NF1: variants seen among roughly 807,000 people sequenced by gnomAD.
NF1 encodes neurofibromin 1, also known as neurofibromin.
A neutral mutation model predicts 325.7 loss-of-function variants in NF1; 122 were observed. The observed-to-expected ratio is 0.37, with a 90% CI of 0.32 to 0.44. The LOEUF (loss-of-function observed/expected upper bound fraction) is 0.44. Among genes scored for constraint, NF1 ranks in the 20% least tolerant of loss-of-function variants. The probability of loss-of-function intolerance (pLI) is 1.00; values close to 1 mark genes in which losing one functional copy is unlikely to be tolerated. For missense variants in NF1, 2,140 were observed against 3,415.4 expected (o/e 0.63, Z 9.31); for synonymous variants, 1,091 against 1,186.0 (o/e 0.92, Z 1.65).
In NF1 at chr17:31,330,330, T is replaced by C. The variant is rs772945395; in HGVS notation, c.5644T>C (p.Cys1882Arg). The change falls in exon 39 of 58, where the codon TGT becomes CGT. Residue 1882 changes from cysteine to arginine, a missense_variant. By Grantham distance (180) the Cys-to-Arg change is radical. This residue lies in a region of NF1 where 180 missense variants were observed against 435.1 expected (regional missense o/e 0.41). Transcript: ENST00000358273. ...AAYNLLCALT[C>R]TFNLKIEGQL... ...CTATAATCTTCTGTGTGCCTTAACT[T>C]GTACCTTTAATTTAAAAATCGAGGG... The C allele has an allele frequency of 6.2e-7, 1 of 1,614,118 alleles. No homozygotes were observed. The highest frequency in any genetic ancestry group is 8.5e-7 in the Non-Finnish European group (1 of 1,179,976).
At chr17:31,102,328 TTA>T (rs1254248380) in intron 1 of NF1, among the ~76,000 whole-genome samples, 4 of 145,154 alleles carry the variant, frequency 2.8e-5, no homozygotes, top group African/African-American at 9.8e-5. Flanking sequence ...AATATAAGAT[TTA>T]TATGTTTTCT....
At chr17:31,268,143 C>G (rs2067824046) in intron 36 of NF1, among the ~76,000 whole-genome samples, 1 of 152,186 alleles carries the variant, frequency 6.6e-6, no homozygotes, top group South Asian at 2.1e-4. Flanking sequence ...ATCCTTTCAG[C>G]TTTTGCCCCA....
intron 1 of NF1, among the ~76,000 whole-genome samples, chr17:31,127,946 T>A (rs1296940692): frequency 6.6e-6 from 1 of 151,904 alleles, no homozygotes; most frequent in Non-Finnish European, 1.5e-5. Context: ...ATTGACCTCT[T>A]CTGTACCTTG....
chr17:31,162,828 A>G (rs1368186161), intron 3 of NF1, among the ~76,000 whole-genome samples: 1 of 152,250 alleles, frequency 6.6e-6, no homozygotes. Flanking sequence ...GCACTCATCA[A>G]TCAATATGAA....
chr17:31,291,016 ATAAAT>A (rs1471051477), intron 36 of NF1, among the ~76,000 whole-genome samples: 1 of 151,386 alleles, frequency 6.6e-6, no homozygotes, highest in Non-Finnish European at 1.5e-5. Flanking sequence ...AAATAAATAA[ATAAAT>A]AAATAAATAA....
At position 31,360,535 on chromosome 17, in the gene NF1, G is replaced by A. The variant is rs2151587791; in HGVS notation, c.8209G>A (p.Ala2737Thr). 6.2e-7 allele frequency: 1 copy of A among 1,614,070 alleles called. No homozygotes were observed. The highest frequency in any genetic ancestry group is 8.5e-7 in the Non-Finnish European group (1 of 1,180,018). Residue 2737 changes from alanine to threonine, a missense_variant, in exon 57 of 58, where the codon GCC (alanine) becomes ACC (threonine). By Grantham distance (58) the Ala-to-Thr change is moderately conservative. Transcript: ENST00000358273. ...TGAGCTTATTGTTAAGTTTCTTGAT[G>A]CCTTGATTGACACGTACCTGCCTGG... is the stretch of plus-strand genomic sequence containing the variant. ...YAELIVKFLD[A>T]LIDTYLPGID...
intron 36 of NF1, among the ~76,000 whole-genome samples, chr17:31,282,518 GCCCCCCCTCAGCCCCTGGCAACCA>G (rs2068141090): frequency 6.6e-6 from 1 of 150,680 alleles, no homozygotes; most frequent in African/African-American, 2.4e-5. Context: ...CTTTCCTCCT[GCCCCCCCTCAGCCCCTGGCAACCA>G]CTGATCTACT....
At chr17:31,276,228 A>G (rs920630163) in intron 36 of NF1, among the ~76,000 whole-genome samples, 1 of 150,598 alleles carries the variant, frequency 6.6e-6, no homozygotes, top group Non-Finnish European at 1.5e-5. Flanking sequence ...AAAAAAAAAA[A>G]AAAAGGGGCA....
chr17:31,364,651 T>C (rs1036222064), intron 57 of NF1, among the ~76,000 whole-genome samples: 11 of 152,208 alleles, frequency 7.2e-5, no homozygotes, highest in African/African-American at 2.7e-4. Context: ...CTTGACAAAT[T>C]AGCATAGCCT....
intron 36 of NF1, among the ~76,000 whole-genome samples, chr17:31,323,096 A>G (rs2069253235): frequency 6.6e-6 from 1 of 152,258 alleles, no homozygotes; most frequent in East Asian, 1.9e-4. Flanking sequence ...AGATGAGAAG[A>G]TTGTTTAAAA....
chr17:31,352,154 G>T, intron 50 of NF1, 103 bp from the exon 51 acceptor site: 1 of 1,038,586 alleles, frequency 9.6e-7, no homozygotes, highest in Non-Finnish European at 1.5e-6. Context: ...AAAATTAATT[G>T]ATTGCTGTTG....
intron 11 of NF1, among the ~76,000 whole-genome samples, chr17:31,205,731 ATGT>A (rs1008782874): frequency 1.3e-5 from 2 of 152,070 alleles, no homozygotes; most frequent in South Asian, 2.1e-4. Flanking sequence ...TACTAATTTC[ATGT>A]TGTAATTATC....
chr17:31,330,374 A>T lies in NF1; in HGVS notation c.5688A>T (p.Ser1896=). ...LKIEGQLLET[S]GLCIPANNTL... Reference sequence around the variant, plus strand: ...TCGAGGGCCAGTTACTAGAGACATCAGGTTTATGTATCCCTGCCAACAACA... The same window carrying T: ...TCGAGGGCCAGTTACTAGAGACATCTGGTTTATGTATCCCTGCCAACAACA... The change falls in exon 39 of 58, where the codon TCA becomes TCT. Residue 1896 remains serine (S), a synonymous_variant. Transcript: ENST00000358273. The T allele has an allele frequency of 6.2e-7, 1 of 1,614,024 alleles. No homozygotes were observed. The highest frequency in any genetic ancestry group is 8.5e-7 in the Non-Finnish European group (1 of 1,179,918).
rs572308722 is a variant in NF1, at chr17:31,350,367, A to G, written c.7457+49A>G. The G allele has an allele frequency of 1.0e-4, 157 of 1,547,482 alleles. 4 individuals carry two copies. In the South Asian group the frequency reaches 1.5e-3, roughly 15 times the overall value. The stretch of plus-strand genomic sequence containing the variant: ...ATTACATAATCATAATCAAGTTTCA[A>G]TTTTCCAACTAATGGAGGCAAGCAG... On this transcript the variant is annotated intron_variant, in intron 50 of 57. Transcript: ENST00000358273.
In NF1 at chr17:31,214,592, A is replaced by AT. The variant is rs772159080; in HGVS notation, c.1527+14dup. 19 of 1,612,412 alleles carry AT rather than the reference A, an allele frequency of 1.2e-5. No individual in the cohort carries two copies. Among genetic ancestry groups the AT allele is most frequent in the Non-Finnish European group, 1.4e-5 (16 of 1,179,072 alleles). ...TCCAAAGCTCTTGCTTTGTGTAAGT[A>AT]TTTTTTTATGAAATGTCTCAAAATT... On this transcript the variant is annotated splice_region_variant and intron_variant, in intron 13 of 57. Transcript: ENST00000358273.
rs1424751337 is a variant in NF1 at position 31,229,392 on chromosome 17, G to A, written c.2777G>A (p.Ser926Asn). 6.2e-7 allele frequency: 1 copy of A among 1,613,804 alleles called. No individual in the cohort carries two copies. Among genetic ancestry groups the A allele is most frequent in the Non-Finnish European group, 8.5e-7 (1 of 1,179,830 alleles). ...NVKDLVGLEL[S>N]PALYPMLFNK... ...AAGGATCTGGTGGGTCTAGAATTGA[G>A]TCCTGCTCTGTATCCAATGCTATTT... is the stretch of plus-strand genomic sequence containing the variant. Residue 926 changes from serine to asparagine, a missense_variant, in exon 21 of 58, where the codon AGT becomes AAT. Physicochemically the swap from Ser to Asn is conservative, Grantham distance 46. Transcript: ENST00000358273.
rs2069795786 is a variant in NF1, at chr17:31,340,658, T to C, written c.7062+13T>C. On this transcript the variant is annotated intron_variant, in intron 47 of 57. Coordinates refer to ENST00000358273, the MANE Select transcript of NF1 (RefSeq NM_001042492.3). ...ATTCAATGACAAGGTAAGCAAACTT[T>C]GCCTTGAGGTTCCTAGATTACTCAA... The C allele has an allele frequency of 6.2e-7, 1 of 1,613,878 alleles. No homozygotes were observed. Among genetic ancestry groups the C allele is most frequent in the Non-Finnish European group, 8.5e-7 (1 of 1,179,842 alleles).
chr17:31,233,259 C>T (rs2151435923), intron 27 of NF1, 46 bp downstream of exon 27: 1 of 1,444,084 alleles, frequency 6.9e-7, no homozygotes. Context: ...TGGCACATAG[C>T]AAATCCTTCA....
At chr17:31,342,785 A>G (rs1185242600) in intron 47 of NF1, among the ~76,000 whole-genome samples, 1 of 152,182 alleles carries the variant, frequency 6.6e-6, no homozygotes, top group Non-Finnish European at 1.5e-5. Context: ...AATAAAAGTG[A>G]TTTCATCTTC....
Sources: allele counts gnomAD v4.1 joint callset (sites outside exome capture counted in the v4.1 genomes callset), GRCh38; gene constraint gnomAD v4.1.1; regional missense constraint gnomAD v4.1.1; transcripts MANE v1.5; gene names NCBI Gene and HGNC (gene_info 2026-07-23, HGNC 2026-07-21).